The following PLEKHA6 variants were observed in gnomAD, a reference collection of about 807,000 sequenced individuals.
The protein encoded by PLEKHA6 is pleckstrin homology domain-containing family A member 6.
PLEKHA6 carries 60 observed loss-of-function variants against 116.7 expected under a neutral mutation model. The ratio of observed to expected loss-of-function variants is 0.51; its 90% CI spans 0.42 to 0.64. The LOEUF (loss-of-function observed/expected upper bound fraction) is 0.64. PLEKHA6 is among the 30% of genes least tolerant of loss of function. The probability of loss-of-function intolerance (pLI) is 0.00; values close to 1 mark genes in which losing one functional copy is unlikely to be tolerated. For synonymous variants in PLEKHA6, 489 were observed against 556.1 expected (o/e 0.88, Z 1.70); for missense variants, 1,338 against 1,422.7 (o/e 0.94, Z 0.96).
intron 1 of PLEKHA6, among the ~76,000 whole-genome samples, chr1:204,330,732 G>T (rs4382788): frequency 1.3e-5 from 2 of 150,610 alleles, no homozygotes; most frequent in Non-Finnish European, 2.9e-5. Context: ...CTACCGAAGA[G>T]GAAGCAGCCC....
chr1:204,366,995 G>T (rs555030827), intron 3 of PLEKHA6, among the ~76,000 whole-genome samples: 76 of 152,346 alleles, frequency 5.0e-4, no homozygotes, highest in African/African-American at 1.8e-3. Context: ...GCTGGGCAGA[G>T]GCGCTTCACC....
intron 17 of PLEKHA6, among the ~76,000 whole-genome samples, chr1:204,234,587 C>G (rs1437029086): frequency 6.6e-6 from 1 of 152,010 alleles, no homozygotes; most frequent in Non-Finnish European, 1.5e-5. Context: ...ATGGTTAATA[C>G]TGAGCATCAA....
At chr1:204,310,504 C>T (rs1196605110) in intron 1 of PLEKHA6, among the ~76,000 whole-genome samples, 3 of 152,208 alleles carry the variant, frequency 2.0e-5, no homozygotes, top group African/African-American at 7.2e-5. Flanking sequence ...ACTCCCTCCC[C>T]TTCCCGCATT....
chr1:204,270,553 C>T (rs1667343620), intron 3 of PLEKHA6, among the ~76,000 whole-genome samples: 1 of 152,196 alleles, frequency 6.6e-6, no homozygotes, highest in Admixed American at 6.5e-5. Flanking sequence ...GTCCCTCATT[C>T]CTCTGTTCCA....
At position 204,247,463 on chromosome 1, in the gene PLEKHA6, A is replaced by G. The variant is rs1663865640; in HGVS notation, c.1825-3T>C. The G allele has an allele frequency of 6.2e-7, 1 of 1,600,726 alleles. No individual in the cohort carries two copies. The highest frequency in any genetic ancestry group is 8.6e-7 in the Non-Finnish European group (1 of 1,168,378). ...TCTATGGTGCTGTTTGTCAGGGCCT[A>G]CGGGGGAAAGAGGCGTTCACTGAGA... On this transcript the variant is annotated splice_region_variant and splice_polypyrimidine_tract_variant and intron_variant, in intron 12 of 22. Transcript: ENST00000272203.
intron 1 of PLEKHA6, among the ~76,000 whole-genome samples, chr1:204,356,481 C>T (rs140785913): frequency 0.019 from 2,921 of 152,114 alleles, 111 homozygotes; most frequent in African/African-American, 0.067. Context: ...GTAGGAGGAT[C>T]GCTTGAGCCT....
At chr1:204,251,754 C>CTGTGAG (rs1664595804) in intron 9 of PLEKHA6, 2 of 588,654 alleles carry the variant, frequency 3.4e-6, no homozygotes, top group East Asian at 5.9e-5. Context: ...CTTGCTCACC[C>CTGTGAG]CTAGTGACCT....
chr1:204,304,370 G>A (rs1161335505), intron 1 of PLEKHA6, among the ~76,000 whole-genome samples: 2 of 152,202 alleles, frequency 1.3e-5, no homozygotes, highest in Non-Finnish European at 2.9e-5. Flanking sequence ...ATGTTTATCA[G>A]TTTATCACAT....
In PLEKHA6 at chr1:204,228,619, G is replaced by A. The variant is rs1044049459; in HGVS notation, c.2885+109C>T. On this transcript the variant is annotated intron_variant, in intron 20 of 22. Transcript: ENST00000272203. This position sits in a 1 kb window ranked among gnomAD's most constrained non-coding sequence, Gnocchi z 4.0. ...GTCTGCTGCCTGGAGTCACCACCTC[G>A]ATGTGCTCTCCCCTGGGGAGGCTCT... is the stretch of plus-strand genomic sequence containing the variant. 4 of 990,770 alleles carry A rather than the reference G, an allele frequency of 4.0e-6. No homozygotes were observed. Among genetic ancestry groups the A allele is most frequent in the South Asian group, 2.9e-5 (2 of 68,888 alleles). 61.4% of individuals were successfully genotyped at this position (990,770 alleles called of 1,614,324 possible).
At chr1:204,264,145 G>A (rs769587962) in intron 6 of PLEKHA6, among the ~76,000 whole-genome samples, 1 of 152,180 alleles carries the variant, frequency 6.6e-6, no homozygotes, top group Non-Finnish European at 1.5e-5. Flanking sequence ...CCAAGAAAAT[G>A]TGTGGTTGGT....
At chr1:204,239,239 G>A (rs1662472749) in intron 17 of PLEKHA6, among the ~76,000 whole-genome samples, 1 of 152,190 alleles carries the variant, frequency 6.6e-6, no homozygotes, top group African/African-American at 2.4e-5. Context: ...AGGGATGGGG[G>A]TTACACATGG....
intron 12 of PLEKHA6, among the ~76,000 whole-genome samples, chr1:204,248,009 T>A (rs1381509340): frequency 6.6e-6 from 1 of 151,884 alleles, no homozygotes; most frequent in Non-Finnish European, 1.5e-5. Flanking sequence ...AGGAGGATAT[T>A]TATTATTCAG....
At chr1:204,358,695 G>A (rs1219845577) in intron 1 of PLEKHA6, among the ~76,000 whole-genome samples, 2 of 152,032 alleles carry the variant, frequency 1.3e-5, no homozygotes, top group Non-Finnish European at 2.9e-5. Flanking sequence ...TCTGACACCA[G>A]CTCTGAGCTC....
At chr1:204,308,687 C>CTTTTTCTTTTT (rs1553275657) in intron 1 of PLEKHA6, among the ~76,000 whole-genome samples, 1 of 81,402 alleles carries the variant, frequency 1.2e-5, no homozygotes, top group Non-Finnish European at 2.1e-5. Context: ...TTTTCTTTTT[C>CTTTTTCTTTTT]TTTTTTTTTT....
At chr1:204,293,515 C>T (rs934742924) in intron 1 of PLEKHA6, among the ~76,000 whole-genome samples, 5 of 152,094 alleles carry the variant, frequency 3.3e-5, no homozygotes, top group African/African-American at 1.2e-4. Context: ...ACCAACATTT[C>T]AAATAAAGAC....
intron 15 of PLEKHA6, among the ~76,000 whole-genome samples, chr1:204,244,320 T>TTG (rs1033843630): frequency 2.0e-5 from 3 of 151,884 alleles, no homozygotes; most frequent in Non-Finnish European, 4.4e-5. Flanking sequence ...TTTTTTTTTT[T>TTG]TTAGTAAAGA....
intron 1 of PLEKHA6, among the ~76,000 whole-genome samples, chr1:204,324,987 A>C (rs1161663197): frequency 1.3e-5 from 2 of 151,996 alleles, no homozygotes; most frequent in African/African-American, 2.4e-5. Flanking sequence ...GCGTGATCTC[A>C]GCTCACTGCA....
chr1:204,315,872 A>G (rs1325915815), intron 1 of PLEKHA6, among the ~76,000 whole-genome samples: 1 of 152,198 alleles, frequency 6.6e-6, no homozygotes, highest in Non-Finnish European at 1.5e-5. Flanking sequence ...TGGGCGTTTT[A>G]GAGGGAGTCA....
At chr1:204,360,383 G>C (rs28380734), upstream of PLEKHA6, among the ~76,000 whole-genome samples, 1,226 of 135,052 alleles carry the variant, frequency 9.1e-3, no homozygotes, top group East Asian at 0.061. Context: ...CCCATCCCCC[G>C]CCCCCCCCCC....
Sources: allele counts gnomAD v4.1 joint callset (sites outside exome capture counted in the v4.1 genomes callset), GRCh38; gene constraint gnomAD v4.1.1; non-coding constraint Gnocchi (gnomAD v3.1); transcripts MANE v1.5; gene names NCBI Gene and HGNC (gene_info 2026-07-23, HGNC 2026-07-21).